Variants in CCDC92B observed in about 807,000 individuals in gnomAD.
CCDC92B encodes coiled-coil domain-containing 92B.
A neutral mutation model predicts 5.6 loss-of-function variants in CCDC92B; 2 were observed. The ratio of observed to expected loss-of-function variants is 0.36; its 90% CI spans 0.15 to 1.12. The LOEUF is 1.12. Among genes scored for constraint, CCDC92B ranks in the 50% most tolerant of loss-of-function variants. CCDC92B has a pLI of 0.40. For missense variants in CCDC92B, 271 were observed against 262.2 expected, an observed-to-expected ratio of 1.03 and a Z score of -0.23; for synonymous variants, 115 against 122.3, an observed-to-expected ratio of 0.94 and a Z score of 0.39.
At chr17:2,726,622 T>G (rs1435061088) in intron 3 of CCDC92B, among the ~76,000 whole-genome samples, 1 of 151,274 alleles carries the variant, frequency 6.6e-6, no homozygotes, top group Non-Finnish European at 1.5e-5. Flanking sequence ...TGGCCTCTTT[T>G]GTTGTTGTTG....
intron 3 of CCDC92B, among the ~76,000 whole-genome samples, chr17:2,727,665 A>T (rs749022121): frequency 3.3e-5 from 5 of 152,162 alleles, no homozygotes; most frequent in Non-Finnish European, 5.9e-5. Flanking sequence ...CTCTACTAAA[A>T]ATACAAAAAT....
intron 3 of CCDC92B, among the ~76,000 whole-genome samples, chr17:2,727,934 G>C (rs934044985): frequency 2.0e-5 from 3 of 152,100 alleles, no homozygotes; most frequent in African/African-American, 7.2e-5. Context: ...CTTGAGCCCA[G>C]GAGTACAAAG....
In CCDC92B at chr17:2,724,999, C is replaced by T. The variant is rs2070709447; in HGVS notation, c.180G>A (p.Glu60=). The T allele has an allele frequency of 5.1e-6, 5 of 985,336 alleles. No individual in the cohort carries two copies. Among genetic ancestry groups the T allele is most frequent in the Admixed American group, 6.2e-5 (1 of 16,260 alleles). 61.0% of individuals were successfully genotyped at this position (985,336 alleles called of 1,614,324 possible). Reference sequence around the variant, plus strand: ...TGCTCTCCAGCTCCCGGGACGCCGCCTCTGGAACGGGGCAGAGGCCAGAGG... The same window carrying T: ...TGCTCTCCAGCTCCCGGGACGCCGCTTCTGGAACGGGGCAGAGGCCAGAGG... The part of the protein sequence containing the change: ...EMREAQSHQQ[E]AASRELESKC... Residue 60 remains glutamate (E), a splice_region_variant and synonymous_variant, in exon 4 of 4, where the codon GAG becomes GAA. Transcript: ENST00000614400. This position sits in a 1 kb window ranked among gnomAD's most constrained non-coding sequence, Gnocchi z 5.0.
chr17:2,731,645 G>A (rs918212779), intron 2 of CCDC92B, among the ~76,000 whole-genome samples: 3 of 152,176 alleles, frequency 2.0e-5, no homozygotes, highest in East Asian at 1.9e-4. Context: ...TGAGGAGGCC[G>A]GTTGTTGCTT....
intron 2 of CCDC92B, among the ~76,000 whole-genome samples, chr17:2,731,266 A>G (rs1271128920): frequency 6.6e-6 from 1 of 151,828 alleles, no homozygotes; most frequent in Non-Finnish European, 1.5e-5. Context: ...CTGTCCCCCC[A>G]GTCTCCATTC....
chr17:2,724,800 C>A lies in CCDC92B; in HGVS notation c.379G>T (p.Gly127Cys). ...TCGGTGTGCTTCTGCAGCTCGGTGC[C>A]CAGCACGGTGGCGCGGTGGCTGCGG... ...RRRSHRATVL[G>C]TELQKHTEAA... Residue 127 changes from glycine to cysteine, a missense_variant, in exon 4 of 4, where the codon GGC becomes TGC. Coordinates refer to ENST00000614400, the MANE Select transcript of CCDC92B (RefSeq NM_001355573.2). This position sits in a 1 kb window ranked among gnomAD's most constrained non-coding sequence, Gnocchi z 5.0. 1.0e-6 allele frequency: 1 copy of A among 984,552 alleles called. No individual in the cohort carries two copies. The highest frequency in any genetic ancestry group is 4.7e-5 in the South Asian group (1 of 21,312). 61.0% of individuals were successfully genotyped at this position (984,552 alleles called of 1,614,324 possible).
chr17:2,727,693 G>A (rs899804885), intron 3 of CCDC92B, among the ~76,000 whole-genome samples: 1 of 152,076 alleles, frequency 6.6e-6, no homozygotes, highest in South Asian at 2.1e-4. Context: ...GTATGGTGGT[G>A]TGCGCCTGTG....
At chr17:2,744,249 G>A (rs1014007258) in intron 1 of CCDC92B, among the ~76,000 whole-genome samples, 1 of 149,230 alleles carries the variant, frequency 6.7e-6, no homozygotes, top group Non-Finnish European at 1.5e-5. Context: ...GGCTGACCTC[G>A]AACTTCTAGT....
At chr17:2,745,142 T>C (rs1293097273) in intron 1 of CCDC92B, among the ~76,000 whole-genome samples, 1 of 148,136 alleles carries the variant, frequency 6.8e-6, no homozygotes, top group African/African-American at 2.5e-5. Flanking sequence ...GAGAAACAGG[T>C]GAGCTGCTGA....
chr17:2,748,318 C>G, intron 1 of CCDC92B: 1 of 1,244,674 alleles, frequency 8.0e-7, no homozygotes. Flanking sequence ...TGAAGCCATC[C>G]CTGATCCCCC....
chr17:2,746,739 T>G (rs1045780241), intron 1 of CCDC92B, among the ~76,000 whole-genome samples: 3 of 152,054 alleles, frequency 2.0e-5, no homozygotes, highest in African/African-American at 4.8e-5. Context: ...GGCTCGATCT[T>G]GGCTCACTGC....
chr17:2,747,488 A>G (rs889949723), intron 1 of CCDC92B, among the ~76,000 whole-genome samples: 3 of 152,192 alleles, frequency 2.0e-5, no homozygotes, highest in Non-Finnish European at 4.4e-5. Flanking sequence ...GCACTTTGGG[A>G]GGCCGACTGG....
chr17:2,740,611 C>T (rs1050156314), intron 1 of CCDC92B, among the ~76,000 whole-genome samples: 5 of 151,774 alleles, frequency 3.3e-5, no homozygotes, highest in Middle Eastern at 6.8e-3. Flanking sequence ...TGCAGTGAGC[C>T]GACATCGTGC....
At position 2,749,617 on chromosome 17, in the gene CCDC92B, C is replaced by T. The variant is rs2071031713; in HGVS notation, c.-230G>A. On this transcript the variant is annotated 5_prime_UTR_variant, in exon 1 of 4. Transcript: ENST00000614400. Reference sequence around the variant, plus strand: ...GCGCCGAAGGGGGGTCGGGGGCGGGCTCGAGGCGTAAACACCCAGCAACGT... The same window carrying T: ...GCGCCGAAGGGGGGTCGGGGGCGGGTTCGAGGCGTAAACACCCAGCAACGT... 2 of 148,912 alleles carry T rather than the reference C, an allele frequency of 1.3e-5. No homozygotes were observed. The highest frequency in any genetic ancestry group is 6.7e-5 in the Admixed American group (1 of 14,974). 9.2% of individuals were successfully genotyped at this position (148,912 alleles called of 1,614,324 possible). A position where few individuals can be genotyped will look rare whatever the true frequency, so the allele number is the denominator to read the frequency against.
At chr17:2,732,107 G>T (rs2070800378) in intron 2 of CCDC92B, among the ~76,000 whole-genome samples, 1 of 152,230 alleles carries the variant, frequency 6.6e-6, no homozygotes, top group Non-Finnish European at 1.5e-5. Context: ...GCCCAGGGCT[G>T]AGTTGGTGCT....
At chr17:2,728,665 C>T (rs549727336) in intron 3 of CCDC92B, among the ~76,000 whole-genome samples, 107 of 152,142 alleles carry the variant, frequency 7.0e-4, no homozygotes, top group African/African-American at 2.3e-3. Flanking sequence ...GGCTTGGGCC[C>T]AGGTGATCTC....
intron 1 of CCDC92B, among the ~76,000 whole-genome samples, chr17:2,738,977 A>G (rs1002591457): frequency 1.3e-5 from 2 of 151,426 alleles, no homozygotes; most frequent in Non-Finnish European, 2.9e-5. Context: ...AGGTTGACCC[A>G]GGAGAATCGC....
chr17:2,736,157 C>T (rs140301183), intron 1 of CCDC92B, among the ~76,000 whole-genome samples: 11 of 152,208 alleles, frequency 7.2e-5, no homozygotes, highest in South Asian at 2.1e-4. Context: ...GGGCCGGGCG[C>T]GGTGGCTCAC....
At position 2,735,137 on chromosome 17, in the gene CCDC92B, G is replaced by A. The variant is rs1015122088; in HGVS notation, c.9C>T (p.Thr3=). 5.1e-6 allele frequency: 5 copies of A among 985,488 alleles called. No individual in the cohort carries two copies. In the African/African-American group the frequency reaches 5.2e-5, roughly 10 times the overall value. The allele number at this position is 985,488 out of a possible 1,614,324, so 61.0% of individuals were successfully genotyped here. A position where few individuals can be genotyped will look rare whatever the true frequency, so the allele number is the denominator to read the frequency against. Residue 3 remains threonine, a synonymous_variant, in exon 2 of 4, where the codon ACC becomes ACT. Coordinates refer to ENST00000614400, the MANE Select transcript of CCDC92B (RefSeq NM_001355573.2). MD[T]VSLEHQIQSV... ...TCTGGATCTGATGCTCCAGGGACAC[G>A]GTATCCATGGCAACCCAGGCCTGGG...
Sources: gnomAD v4.1 joint callset for allele counts (sites outside exome capture counted in the v4.1 genomes callset) on GRCh38, gnomAD v4.1.1 for gene constraint, Gnocchi (gnomAD v3.1) non-coding constraint, MANE v1.5 for transcripts, NCBI Gene and HGNC (gene_info 2026-07-23, HGNC 2026-07-21) for gene names.